Variants in RCBTB2 observed in about 807,000 individuals in gnomAD.
RCBTB2 encodes RCC1 and BTB domain containing protein 2.
RCBTB2 carries 55 observed loss-of-function variants against 65.4 expected under a neutral mutation model. The observed-to-expected ratio is 0.84, with a 90% CI of 0.68 to 1.05. The LOEUF (loss-of-function observed/expected upper bound fraction) is 1.05, where lower values mean the gene tolerates loss of function less well. Ranked by LOEUF, RCBTB2 falls within the 50% of genes least tolerant of loss-of-function variation. RCBTB2 has a pLI of 0.00. For synonymous variants in RCBTB2, 220 were observed against 255.2 expected (o/e 0.86, Z 1.31); for missense variants, 599 against 680.1 (o/e 0.88, Z 1.33).
intron 13 of RCBTB2, among the ~76,000 whole-genome samples, chr13:48,498,881 TTC>T: frequency 6.6e-6 from 1 of 152,142 alleles, no homozygotes; most frequent in Middle Eastern, 3.4e-3. Flanking sequence ...GCAGCCATCC[TTC>T]TCTCTCAACT....
Position 48,522,314 on chromosome 13 carries a change from C to T in RCBTB2, c.-30G>A. 1 of 1,523,824 alleles carries T rather than the reference C, an allele frequency of 6.6e-7. No homozygotes were observed. The highest frequency in any genetic ancestry group is 2.0e-5 in the Admixed American group (1 of 50,928). 94.4% of individuals were successfully genotyped at this position (1,523,824 alleles called of 1,614,324 possible). A position where few individuals can be genotyped will look rare whatever the true frequency, so the allele number is the denominator to read the frequency against. ...GGAAAAATAAATTTTAGACCTTTGT[C>T]AACTTTTCTCTGGGATTGGAAAGTT... On this transcript the variant is annotated 5_prime_UTR_variant, in exon 3 of 15. Coordinates refer to ENST00000344532, the MANE Select transcript of RCBTB2 (RefSeq NM_001268.4).
intron 14 of RCBTB2, 32 bp downstream of exon 14, chr13:48,496,159 G>A: frequency 1.4e-6 from 2 of 1,420,558 alleles, no homozygotes; most frequent in Middle Eastern, 1.9e-4. Flanking sequence ...ATTTCTCCAG[G>A]AGGCCGGCAG....
chr13:48,502,259 GAC>G (rs1950270350), intron 11 of RCBTB2, among the ~76,000 whole-genome samples: 1 of 152,176 alleles, frequency 6.6e-6, no homozygotes, highest in African/African-American at 2.4e-5. Flanking sequence ...CAGGGGCAGA[GAC>G]AGAAAGATGG....
chr13:48,533,534 G>A (rs1168055305), upstream of RCBTB2, among the ~76,000 whole-genome samples: 3 of 152,116 alleles, frequency 2.0e-5, no homozygotes, highest in Non-Finnish European at 2.9e-5. Context: ...ATCACTTCAC[G>A]TTTTCACCCC....
chr13:48,522,012 C>G, intron 3 of RCBTB2, 50 bp from the exon 4 acceptor site: 1 of 1,492,402 alleles, frequency 6.7e-7, no homozygotes, highest in Non-Finnish European at 9.2e-7. Context: ...TTCGATGGAA[C>G]CAGGCAGGTT....
chr13:48,494,189 G>A (rs1949873066), intron 14 of RCBTB2, among the ~76,000 whole-genome samples: 1 of 152,166 alleles, frequency 6.6e-6, no homozygotes, highest in Non-Finnish European at 1.5e-5. Context: ...CATGAACTGT[G>A]CTTAGAATAA....
intron 10 of RCBTB2, among the ~76,000 whole-genome samples, chr13:48,504,937 G>A (rs1225734009): frequency 1.3e-5 from 2 of 152,026 alleles, no homozygotes; most frequent in Non-Finnish European, 2.9e-5. Flanking sequence ...TATGAGGATC[G>A]TTCTTAGCCC....
intron 4 of RCBTB2, among the ~76,000 whole-genome samples, chr13:48,520,254 A>G (rs969558520): frequency 5.3e-5 from 8 of 152,272 alleles, no homozygotes; most frequent in African/African-American, 9.6e-5. Context: ...GCCTCAATCT[A>G]TCTGCAGCCA....
chr13:48,535,492 G>T (rs1312900973), upstream of RCBTB2, among the ~76,000 whole-genome samples: 1 of 152,122 alleles, frequency 6.6e-6, no homozygotes, highest in Admixed American at 6.5e-5. Flanking sequence ...CTGACCTCAG[G>T]TGATCTATCC....
intron 14 of RCBTB2, among the ~76,000 whole-genome samples, chr13:48,495,423 A>C (rs1445973181): frequency 2.0e-5 from 3 of 152,224 alleles, no homozygotes; most frequent in Admixed American, 6.5e-5. Flanking sequence ...TTAGTGATAT[A>C]TCTTGAATAG....
chr13:48,510,385 T>G (rs987549962), intron 10 of RCBTB2, among the ~76,000 whole-genome samples: 1 of 152,214 alleles, frequency 6.6e-6, no homozygotes, highest in African/African-American at 2.4e-5. Context: ...GTTTAGTCAC[T>G]GCAGTTTGCT....
At position 48,489,856 on chromosome 13, in the gene RCBTB2, A is replaced by G; in HGVS notation, c.*255T>C. ...AGGTGTCCAATTTAAGTGACTCAAA[A>G]AGAGGAAATGGTAAATAAGATATTT... is the stretch of plus-strand genomic sequence containing the variant. On this transcript the variant is annotated 3_prime_UTR_variant, in exon 15 of 15. Transcript: ENST00000344532. The G allele has an allele frequency of 2.1e-6, 1 of 478,328 alleles. No individual in the cohort carries two copies. Among genetic ancestry groups the G allele is most frequent in the South Asian group, 2.4e-5 (1 of 42,482 alleles). The allele number at this position is 478,328 out of a possible 1,614,324, so 29.6% of individuals were successfully genotyped here.
At position 48,508,593 on chromosome 13, in the gene RCBTB2, A is replaced by G. The variant is rs1950620975; in HGVS notation, c.926+2036T>C. On this transcript the variant is annotated intron_variant, in intron 10 of 14. Transcript: ENST00000344532. ...TAATTTTTATATTTTTAGTAGAGACAGGGTTTCACCATGTTGGCCAGGCTG... is the reference window on the plus strand; with the variant it reads ...TAATTTTTATATTTTTAGTAGAGACGGGGTTTCACCATGTTGGCCAGGCTG... Among the ~76,000 whole-genome samples the G allele has an allele frequency of 4.6e-5, 7 of 152,082 alleles. 1 individual carries two copies. Among genetic ancestry groups the G allele is most frequent in the Admixed American group, 4.6e-4 (7 of 15,260 alleles).
At position 48,510,671 on chromosome 13, in the gene RCBTB2, CT is replaced by C; in HGVS notation, c.883del (p.Ser295AlafsTer48). ...SYGQLGTGNK[S>X]NQSYPTPVTV... ...GACAGGAGTAGGATAGGACTGGTTG[CT>C]TTTATTGCCAGTGCCCAACTGCCCA... On this transcript the variant is annotated frameshift_variant, in exon 10 of 15. Transcript: ENST00000344532. LOFTEE classifies it high-confidence loss of function. 1 of 1,614,180 alleles carries C rather than the reference CT, an allele frequency of 6.2e-7. No homozygotes were observed. Among genetic ancestry groups the C allele is most frequent in the Non-Finnish European group, 8.5e-7 (1 of 1,180,044 alleles).
chr13:48,506,974 A>G (rs910997619), intron 10 of RCBTB2, among the ~76,000 whole-genome samples: 2 of 152,160 alleles, frequency 1.3e-5, no homozygotes, highest in Non-Finnish European at 2.9e-5. Context: ...TTCCCTTCTG[A>G]GATGTTTGTT....
chr13:48,533,899 TGAGGACAC>T (rs2138693303), upstream of RCBTB2, among the ~76,000 whole-genome samples: 1 of 152,332 alleles, frequency 6.6e-6, no homozygotes, highest in South Asian at 2.1e-4. Flanking sequence ...GGCTGTTTCA[TGAGGACAC>T]TGGTTCCTCT....
At position 48,489,657 on chromosome 13, in the gene RCBTB2, C is replaced by T. The variant is rs1949616538; in HGVS notation, c.*454G>A. 6.4e-6 allele frequency: 1 copy of T among 156,834 alleles called. No individual in the cohort carries two copies. Among genetic ancestry groups the T allele is most frequent in the South Asian group, 1.9e-4 (1 of 5,324 alleles). The allele number at this position is 156,834 out of a possible 1,614,324, so 9.7% of individuals were successfully genotyped here. A position where few individuals can be genotyped will look rare whatever the true frequency, so the allele number is the denominator to read the frequency against. On this transcript the variant is annotated 3_prime_UTR_variant, in exon 15 of 15. Transcript: ENST00000344532. ...TCCATGACTAAAGCTGTTCTCAGGA[C>T]ATACTGAAGATTTATAATAAATTGA...
intron 11 of RCBTB2, among the ~76,000 whole-genome samples, chr13:48,502,498 CTT>C (rs986408740): frequency 2.0e-5 from 3 of 150,906 alleles, no homozygotes; most frequent in African/African-American, 7.3e-5. Flanking sequence ...ATCTTTCTCT[CTT>C]AAAGAAAAAA....
chr13:48,531,577 G>GTCT (rs1952124027), intron 1 of RCBTB2, among the ~76,000 whole-genome samples: 1 of 152,310 alleles, frequency 6.6e-6, no homozygotes, highest in Admixed American at 6.5e-5. Context: ...ACCAAACGCA[G>GTCT]ACGCCCTGGG....
Sources: allele counts gnomAD v4.1 joint callset (sites outside exome capture counted in the v4.1 genomes callset), GRCh38; gene constraint gnomAD v4.1.1; transcripts MANE v1.5; gene names NCBI Gene and HGNC (gene_info 2026-07-23, HGNC 2026-07-21).